The following VGLL4 variants were observed in gnomAD, a reference collection of about 807,000 sequenced individuals.
VGLL4 encodes vestigial like family member 4, also known as transcription cofactor vestigial-like protein 4.
Under a neutral mutation model 21.0 loss-of-function variants are expected in VGLL4, and 7 were observed. The observed-to-expected ratio is 0.33, with a 90% CI of 0.19 to 0.63. VGLL4 has a LOEUF of 0.63. VGLL4 is among the 20% of genes least tolerant of loss of function. The pLI is 0.78. For synonymous variants in VGLL4, 222 were observed against 173.2 expected (o/e 1.28, Z -2.21); for missense variants, 394 against 425.7 (o/e 0.93, Z 0.66).
intron 1 of VGLL4, among the ~76,000 whole-genome samples, chr3:11,609,474 C>G (rs144703212): frequency 1.8e-3 from 275 of 152,330 alleles, no homozygotes; most frequent in African/African-American, 6.2e-3. Flanking sequence ...AAAGTTCCAG[C>G]AACATTCATT....
At chr3:11,676,914 A>T (rs576204598) in intron 2 of VGLL4, among the ~76,000 whole-genome samples, 30 of 152,202 alleles carry the variant, frequency 2.0e-4, no homozygotes, top group Non-Finnish European at 3.2e-4. Context: ...CTTTGTATTT[A>T]ATCTATTCAT....
chr3:11,689,936 C>T (rs1412637375), intron 2 of VGLL4, among the ~76,000 whole-genome samples: 2 of 152,198 alleles, frequency 1.3e-5, no homozygotes, highest in Non-Finnish European at 2.9e-5. Context: ...CCTACATTTC[C>T]TTCCCAGGAC....
intron 1 of VGLL4, chr3:11,633,092 G>C (rs928378831): frequency 4.6e-5 from 7 of 152,158 alleles, no homozygotes; most frequent in South Asian, 2.1e-4. Flanking sequence ...TCTAAGAACA[G>C]TATTCTAAGA....
At chr3:11,702,984 A>G in exon 2 of VGLL4, 1 of 1,612,252 alleles carries the variant, frequency 6.2e-7, no homozygotes, top group Non-Finnish European at 8.5e-7. Context: ...TTTCGTCATC[A>G]GCATGCACCA....
At chr3:11,624,323 G>A (rs1003384810) in intron 1 of VGLL4, among the ~76,000 whole-genome samples, 2 of 152,142 alleles carry the variant, frequency 1.3e-5, no homozygotes, top group African/African-American at 2.4e-5. Context: ...TTCTAAGGAC[G>A]TGTCAGCAGT....
intron 2 of VGLL4, chr3:11,702,817 T>C (rs2076702307): frequency 4.4e-6 from 2 of 458,618 alleles, no homozygotes; most frequent in Non-Finnish European, 7.4e-6. Flanking sequence ...AAAATACAAA[T>C]GAGGATGTGA....
At chr3:11,593,767 G>A (rs1213447697) in intron 2 of VGLL4, among the ~76,000 whole-genome samples, 1 of 152,164 alleles carries the variant, frequency 6.6e-6, no homozygotes, top group Non-Finnish European at 1.5e-5. Context: ...CGTCATAGAA[G>A]CAAAGACAAC....
At chr3:11,570,758 T>C (rs2073742565) in intron 2 of VGLL4, among the ~76,000 whole-genome samples, 1 of 152,212 alleles carries the variant, frequency 6.6e-6, no homozygotes, top group African/African-American at 2.4e-5. Flanking sequence ...TTCTCCCTTT[T>C]AGTCCCTTCC....
intron 1 of VGLL4, among the ~76,000 whole-genome samples, chr3:11,609,784 A>C (rs1263387671): frequency 6.6e-6 from 1 of 152,230 alleles, no homozygotes; most frequent in African/African-American, 2.4e-5. Context: ...AATTAACCAA[A>C]ATAATGGTAT....
chr3:11,717,894 A>G (rs1979799), intron 1 of VGLL4, among the ~76,000 whole-genome samples: 62,834 of 152,062 alleles, frequency 0.41, 14,784 homozygotes, highest in Non-Finnish European at 0.53. Context: ...AAAATAAGAT[A>G]CAAAGTTTGA....
chr3:11,560,687 T>C (rs1238664805), intron 3 of VGLL4, among the ~76,000 whole-genome samples: 1 of 151,678 alleles, frequency 6.6e-6, no homozygotes, highest in African/African-American at 2.4e-5. Context: ...CATGCCAGGG[T>C]AGGGGGGGAT....
At chr3:11,699,097 C>G (rs1346278417) in intron 2 of VGLL4, among the ~76,000 whole-genome samples, 1 of 152,120 alleles carries the variant, frequency 6.6e-6, no homozygotes, top group African/African-American at 2.4e-5. Flanking sequence ...CCCCTAAAGT[C>G]TGAGAGCAAT....
At chr3:11,611,999 G>A (rs1054429560) in intron 1 of VGLL4, 3 of 151,998 alleles carry the variant, frequency 2.0e-5, no homozygotes, top group Admixed American at 6.6e-5. Context: ...GTCTGCTGGC[G>A]CCTCTGGTTT....
At chr3:11,695,028 C>T (rs957630098) in intron 2 of VGLL4, among the ~76,000 whole-genome samples, 5 of 150,870 alleles carry the variant, frequency 3.3e-5, no homozygotes, top group African/African-American at 4.9e-5. Flanking sequence ...TCATATTGTA[C>T]TTACGTAAGG....
At chr3:11,597,439 C>T (rs2074672982) in intron 2 of VGLL4, among the ~76,000 whole-genome samples, 1 of 152,134 alleles carries the variant, frequency 6.6e-6, no homozygotes, top group Non-Finnish European at 1.5e-5. Context: ...CCAACAGTGT[C>T]ATGGATAGGT....
intron 2 of VGLL4, among the ~76,000 whole-genome samples, chr3:11,697,011 G>A (rs140977407): frequency 1.3e-5 from 2 of 152,244 alleles, no homozygotes; most frequent in Non-Finnish European, 2.9e-5. Context: ...CCAAAGTGCT[G>A]GGATTAGAGG....
At chr3:11,658,272 C>A (rs547248644) in intron 2 of VGLL4, among the ~76,000 whole-genome samples, 1 of 151,248 alleles carries the variant, frequency 6.6e-6, no homozygotes, top group Admixed American at 6.6e-5. Context: ...TGAGCAAATA[C>A]AGCATTGCAC....
intron 2 of VGLL4, among the ~76,000 whole-genome samples, chr3:11,695,495 AAGAC>A (rs2076594124): frequency 6.6e-6 from 1 of 152,180 alleles, no homozygotes; most frequent in African/African-American, 2.4e-5. Context: ...CATGTACCAA[AAGAC>A]AGAGAGAACA....
At chr3:11,579,305 T>C (rs1007872049) in intron 2 of VGLL4, among the ~76,000 whole-genome samples, 1 of 151,718 alleles carries the variant, frequency 6.6e-6, no homozygotes, top group Non-Finnish European at 1.5e-5. Context: ...TCCAGGTACT[T>C]AGCAAGGCTA....
Sources: allele counts gnomAD v4.1 joint callset (sites outside exome capture counted in the v4.1 genomes callset), GRCh38; gene constraint gnomAD v4.1.1; transcripts MANE v1.5; gene names NCBI Gene and HGNC (gene_info 2026-07-23, HGNC 2026-07-21).